HDX: variants seen among roughly 807,000 people sequenced by gnomAD.
The protein encoded by HDX is chromosome X open reading frame 43.
In HDX, 19 loss-of-function variants were observed where a neutral mutation model predicts 45.2. That is an observed-to-expected ratio of 0.42 (90% CI 0.29 to 0.62). The LOEUF is 0.62. Ranked by LOEUF, HDX falls within the 20% of genes least tolerant of loss-of-function variation. The pLI is 0.20. For missense variants in HDX, 532 were observed against 493.9 expected, an observed-to-expected ratio of 1.08 and a Z score of -0.73; for synonymous variants, 188 against 172.8, an observed-to-expected ratio of 1.09 and a Z score of -0.69.
chrX:84,448,946 A>G (rs1031559941), intron 4 of HDX, among the ~76,000 whole-genome samples: 2 of 109,956 alleles, frequency 1.8e-5, no homozygotes, highest in Admixed American at 9.8e-5. Flanking sequence ...AAAGATAGAT[A>G]TCATTTAAAA....
intron 5 of HDX, among the ~76,000 whole-genome samples, chrX:84,394,714 C>A (rs1179301487): frequency 1.8e-5 from 2 of 111,088 alleles, no homozygotes; most frequent in African/African-American, 6.5e-5. Flanking sequence ...TTATTACATT[C>A]TCTTGCTGAG....
intron 6 of HDX, among the ~76,000 whole-genome samples, chrX:84,352,805 A>G (rs1297868731): frequency 1.8e-5 from 2 of 111,909 alleles, no homozygotes; most frequent in Admixed American, 9.5e-5. Flanking sequence ...TAATCTCTCT[A>G]TTTTCTACTC....
intron 5 of HDX, among the ~76,000 whole-genome samples, chrX:84,401,586 GA>G (rs1443141270): frequency 3.6e-5 from 4 of 111,583 alleles, no homozygotes; most frequent in Admixed American, 9.5e-5. Flanking sequence ...GAAGAAATAG[GA>G]AAGATTTTAC....
intron 5 of HDX, among the ~76,000 whole-genome samples, chrX:84,365,104 T>A (rs1469296265): frequency 1.8e-5 from 2 of 111,333 alleles, no homozygotes; most frequent in Non-Finnish European, 3.8e-5. Context: ...GATTTCTTTT[T>A]TTTTCAATAC....
chrX:84,370,997 A>T (rs965397128), intron 5 of HDX, among the ~76,000 whole-genome samples: 1 of 112,443 alleles, frequency 8.9e-6, no homozygotes, highest in Non-Finnish European at 1.9e-5. Context: ...ACAAAATATC[A>T]CATGTAAGGT....
intron 5 of HDX, among the ~76,000 whole-genome samples, chrX:84,390,698 G>A (rs781030465): frequency 1.4e-4 from 16 of 112,172 alleles, no homozygotes; most frequent in Non-Finnish European, 2.8e-4. Flanking sequence ...AGATTTTAAG[G>A]TGTGACAGCT....
chrX:84,450,489 A>T (rs917047034), intron 4 of HDX, among the ~76,000 whole-genome samples: 5 of 112,062 alleles, frequency 4.5e-5, no homozygotes, highest in Non-Finnish European at 9.4e-5. Context: ...CAGCAAAAGG[A>T]TATAAAAATT....
intron 3 of HDX, among the ~76,000 whole-genome samples, chrX:84,472,172 G>A (rs2040466402): frequency 9.1e-6 from 1 of 109,838 alleles, no homozygotes; most frequent in African/African-American, 3.3e-5. Flanking sequence ...AACTCAGGAA[G>A]TTTAAGAGTG....
intron 4 of HDX, among the ~76,000 whole-genome samples, chrX:84,458,393 T>A (rs1433213293): frequency 8.9e-6 from 1 of 112,125 alleles, no homozygotes; most frequent in Admixed American, 9.4e-5. Flanking sequence ...AGGTGAAATG[T>A]ACCTATGAAC....
chrX:84,403,176 T>C (rs2038743994), intron 5 of HDX, among the ~76,000 whole-genome samples: 2 of 110,635 alleles, frequency 1.8e-5, no homozygotes, highest in South Asian at 3.8e-4. Flanking sequence ...TATTGACATA[T>C]AGAAAATGCT....
chrX:84,483,243 G>C (rs966430645), intron 2 of HDX, among the ~76,000 whole-genome samples: 1 of 111,558 alleles, frequency 9.0e-6, no homozygotes, highest in East Asian at 2.8e-4. Flanking sequence ...CACTATCTGT[G>C]TTGGGGCTCC....
intron 5 of HDX, among the ~76,000 whole-genome samples, chrX:84,439,189 C>T (rs1426391273): frequency 9.0e-6 from 1 of 110,951 alleles, no homozygotes; most frequent in African/African-American, 3.3e-5. Context: ...GTTTGTTGGC[C>T]TCTTGTATAC....
intron 5 of HDX, among the ~76,000 whole-genome samples, chrX:84,372,459 T>C (rs190559712): frequency 1.7e-4 from 19 of 111,883 alleles, no homozygotes; most frequent in African/African-American, 6.2e-4. Context: ...GAGTATCTAC[T>C]AGGCATGTGG....
chrX:84,420,819 G>A (rs1390388997), intron 5 of HDX, among the ~76,000 whole-genome samples: 2 of 111,553 alleles, frequency 1.8e-5, no homozygotes, highest in Non-Finnish European at 3.8e-5. Context: ...AACCTTACAG[G>A]CCAGGAGAGA....
chrX:84,423,042 C>CAGAAATTTAAAATA (rs2039301544), intron 5 of HDX, among the ~76,000 whole-genome samples: 1 of 110,407 alleles, frequency 9.1e-6, no homozygotes, highest in Non-Finnish European at 1.9e-5. Context: ...TAAATAAAAT[C>CAGAAATTTAAAATA]AGAAATTAAA....
chrX:84,491,464 A>G (rs960288807), intron 1 of HDX, among the ~76,000 whole-genome samples: 1 of 111,922 alleles, frequency 8.9e-6, no homozygotes, highest in Admixed American at 9.5e-5. Context: ...TGCAGAAATA[A>G]TAGCTGTTTT....
chrX:84,325,224 A>T (rs1336800058), intron 10 of HDX, among the ~76,000 whole-genome samples: 1 of 111,116 alleles, frequency 9.0e-6, no homozygotes, highest in African/African-American at 3.3e-5. Context: ...AGGCTTATGG[A>T]ATGTTATGGC....
At chrX:84,323,602 G>A (rs2036644432) in intron 10 of HDX, among the ~76,000 whole-genome samples, 1 of 111,411 alleles carries the variant, frequency 9.0e-6, no homozygotes, top group Admixed American at 9.5e-5. Flanking sequence ...TGCATTATAA[G>A]TAGTTGAGTA....
At chrX:84,430,137 T>A (rs909306211) in intron 5 of HDX, among the ~76,000 whole-genome samples, 1 of 110,916 alleles carries the variant, frequency 9.0e-6, no homozygotes, top group African/African-American at 3.3e-5. Flanking sequence ...GCTGTAATTT[T>A]GTCTCCTTTA....
Sources: allele counts gnomAD v4.1 joint callset (sites outside exome capture counted in the v4.1 genomes callset), GRCh38; gene constraint gnomAD v4.1.1; transcripts MANE v1.5; gene names NCBI Gene and HGNC (gene_info 2026-07-23, HGNC 2026-07-21).